GSAP: variants seen among roughly 807,000 people sequenced by gnomAD.
GSAP encodes gamma-secretase activating protein, also known as gamma-secretase-activating protein.
Under a neutral mutation model 131.7 loss-of-function variants are expected in GSAP, and 118 were observed. That is an observed-to-expected ratio of 0.90 (90% CI 0.77 to 1.04). The LOEUF (loss-of-function observed/expected upper bound fraction) is 1.04, where lower values mean the gene tolerates loss of function less well. Ranked by LOEUF, GSAP falls within the 50% of genes least tolerant of loss-of-function variation. The pLI is 0.00. For synonymous variants in GSAP, 381 were observed against 363.4 expected, an observed-to-expected ratio of 1.05 and a Z score of -0.55; for missense variants, 1,019 against 1,013.2, an observed-to-expected ratio of 1.01 and a Z score of -0.08.
intron 19 of GSAP, among the ~76,000 whole-genome samples, chr7:77,345,003 T>A (rs1345512252): frequency 6.6e-6 from 1 of 152,216 alleles, no homozygotes; most frequent in African/African-American, 2.4e-5. Flanking sequence ...CCTAAATCAG[T>A]CTGGCCTGGT....
chr7:77,406,977 A>G (rs1037564302), intron 1 of GSAP, among the ~76,000 whole-genome samples: 5 of 152,190 alleles, frequency 3.3e-5, no homozygotes. Flanking sequence ...CTCTAAATGA[A>G]GAACCCGGGC....
chr7:77,385,734 G>C (rs1306873409), intron 6 of GSAP, among the ~76,000 whole-genome samples: 1 of 152,130 alleles, frequency 6.6e-6, no homozygotes, highest in Admixed American at 6.5e-5. Flanking sequence ...ATGCGCAGCT[G>C]AAAGGACTGG....
chr7:77,317,607 A>G (rs1787030466), intron 26 of GSAP, among the ~76,000 whole-genome samples: 1 of 152,206 alleles, frequency 6.6e-6, no homozygotes, highest in African/African-American at 2.4e-5. Context: ...CTCGATCACT[A>G]TGGATAACAT....
Position 77,377,535 on chromosome 7 carries a change from CT to C in GSAP, c.577-146del, listed in dbSNP as rs1450459618. The C allele has an allele frequency of 6.3e-6, 6 of 954,442 alleles. No homozygotes were observed. In the Admixed American group the frequency reaches 1.2e-4, roughly 19 times the overall value. 59.1% of individuals were successfully genotyped at this position (954,442 alleles called of 1,614,324 possible). A position where few individuals can be genotyped will look rare whatever the true frequency, so the allele number is the denominator to read the frequency against. The stretch of plus-strand genomic sequence containing the variant: ...GTTCACTGTTAGAAGCTCCCCACCC[CT>C]AGTATACACAGTCTTTCCAGAAATG... On this transcript the variant is annotated intron_variant, in intron 8 of 30. Coordinates refer to ENST00000257626, the MANE Select transcript of GSAP (RefSeq NM_017439.4).
intron 19 of GSAP, among the ~76,000 whole-genome samples, chr7:77,342,267 T>C (rs867671811): frequency 6.6e-6 from 1 of 152,136 alleles, no homozygotes; most frequent in South Asian, 2.1e-4. Flanking sequence ...TCTTAATCAA[T>C]ACAGAGGATA....
intron 5 of GSAP, among the ~76,000 whole-genome samples, chr7:77,391,013 G>C (rs1267993762): frequency 7.7e-6 from 1 of 130,432 alleles, no homozygotes; most frequent in Admixed American, 8.5e-5. Flanking sequence ...CTCATCTGTA[G>C]CTACTCGGGA....
chr7:77,385,764 G>A (rs1459756927), intron 6 of GSAP, among the ~76,000 whole-genome samples: 2 of 152,146 alleles, frequency 1.3e-5, no homozygotes, highest in Non-Finnish European at 2.9e-5. Flanking sequence ...GAGGACCCTG[G>A]GAAGAGAGAG....
At chr7:77,352,336 A>T (rs1793005903) in intron 18 of GSAP, among the ~76,000 whole-genome samples, 1 of 152,262 alleles carries the variant, frequency 6.6e-6, no homozygotes, top group South Asian at 2.1e-4. Context: ...GGCACAGCCT[A>T]TGTACGGTTT....
intron 8 of GSAP, among the ~76,000 whole-genome samples, chr7:77,378,500 AAAAAC>A (rs1797309282): frequency 6.6e-6 from 1 of 151,016 alleles, no homozygotes; most frequent in Admixed American, 6.6e-5. Context: ...AATAAAAATA[AAAAAC>A]AAAACAAAAA....
intron 26 of GSAP, among the ~76,000 whole-genome samples, chr7:77,317,179 G>A (rs1795054654): frequency 6.6e-6 from 1 of 152,108 alleles, no homozygotes; most frequent in African/African-American, 2.4e-5. Flanking sequence ...AGAGAGCATG[G>A]AATACTATGC....
At chr7:77,347,163 C>T (rs1043892789) in intron 19 of GSAP, among the ~76,000 whole-genome samples, 2 of 152,246 alleles carry the variant, frequency 1.3e-5, no homozygotes, top group African/African-American at 2.4e-5. Flanking sequence ...CCACTCTATG[C>T]GTCTCTTCAT....
intron 18 of GSAP, among the ~76,000 whole-genome samples, chr7:77,350,414 AAAGTAT>A (rs981630054): frequency 2.0e-5 from 3 of 150,598 alleles, no homozygotes; most frequent in African/African-American, 4.9e-5. Flanking sequence ...CCTAAAACTT[AAAGTAT>A]AATAATTAAA....
chr7:77,311,809 G>C (rs895916633), intron 30 of GSAP, 32 bp downstream of exon 30: 3 of 1,019,236 alleles, frequency 2.9e-6, no homozygotes, highest in African/African-American at 3.1e-5. Flanking sequence ...AGGGAAAAGT[G>C]GTAAGACCCT....
At chr7:77,338,494 T>C (rs1656489999) in intron 19 of GSAP, among the ~76,000 whole-genome samples, 2 of 152,182 alleles carry the variant, frequency 1.3e-5, no homozygotes, top group Admixed American at 1.3e-4. Flanking sequence ...TACACCAAAA[T>C]ACCATAAACT....
rs138401922 is a variant in GSAP at position 77,384,070 on chromosome 7, G to A, written c.457-1427C>T. Among the ~76,000 whole-genome samples the A allele has an allele frequency of 5.1e-4, 77 of 152,306 alleles. 1 individual carries two copies. Among genetic ancestry groups the A allele is most frequent in the African/African-American group, 1.8e-3 (75 of 41,566 alleles). ...CTAATTGTCTCATAATTTGTAAAAT[G>A]TCACACATCAAACAAGATACTTTGT... On this transcript the variant is annotated intron_variant, in intron 6 of 30. Transcript: ENST00000257626.
rs146379296 is a variant in GSAP, at chr7:77,355,238, T to C, written c.1313A>G (p.Gln438Arg). Residue 438 changes from glutamine to arginine, a missense_variant, in exon 16 of 31, where the codon CAA becomes CGA. Coordinates refer to ENST00000257626, the MANE Select transcript of GSAP (RefSeq NM_017439.4). ...AALHCALYCG[Q>R]GAQFLEAQII... The stretch of plus-strand genomic sequence containing the variant: ...CTGGGCTTCCAGGAACTGCGCACCT[T>C]GACCGCAGTAGAGCGCGCAGTGCAA... The C allele has an allele frequency of 5.9e-4, 945 of 1,613,336 alleles. No homozygotes were observed. Among genetic ancestry groups the C allele is most frequent in the Non-Finnish European group, 7.5e-4 (887 of 1,179,308 alleles).
At chr7:77,353,067 G>A (rs1229189085) in intron 17 of GSAP, 41 bp from the exon 18 acceptor site, 6 of 1,114,614 alleles carry the variant, frequency 5.4e-6, no homozygotes, top group Non-Finnish European at 5.5e-6. Context: ...AAAAGATGTG[G>A]TTTAATAAGA....
chr7:77,408,689 C>CAAAAAAAA (rs749202124), intron 1 of GSAP, among the ~76,000 whole-genome samples: 8 of 67,046 alleles, frequency 1.2e-4, no homozygotes, highest in South Asian at 5.3e-4. Context: ...ACTCTGCCTC[C>CAAAAAAAA]AAAAAAAAAA....
chr7:77,322,582 GTTTTTTT>G (rs61272117), intron 24 of GSAP, among the ~76,000 whole-genome samples: 2 of 125,144 alleles, frequency 1.6e-5, no homozygotes, highest in South Asian at 2.6e-4. Context: ...TGTGTTGTGA[GTTTTTTT>G]TTTTTTTTTT....
Sources: allele counts gnomAD v4.1 joint callset (sites outside exome capture counted in the v4.1 genomes callset), GRCh38; gene constraint gnomAD v4.1.1; transcripts MANE v1.5; gene names NCBI Gene and HGNC (gene_info 2026-07-23, HGNC 2026-07-21).